Variants in SPEG observed in about 807,000 individuals in gnomAD.
SPEG encodes striated muscle enriched protein kinase.
In SPEG, 114 loss-of-function variants were observed where a neutral mutation model predicts 300.4. The observed-to-expected ratio is 0.38, with a 90% CI of 0.33 to 0.44. SPEG has a LOEUF of 0.44. Ranked by LOEUF, SPEG falls within the 20% of genes least tolerant of loss-of-function variation. The probability of loss-of-function intolerance (pLI) is 1.00; values close to 1 mark genes in which losing one functional copy is unlikely to be tolerated. For synonymous variants in SPEG, 1,964 were observed against 2,018.9 expected (o/e 0.97, Z 0.73); for missense variants, 4,201 against 4,586.2 (o/e 0.92, Z 2.43).
chr2:219,451,868 G>A lies in SPEG; in HGVS notation c.2440+61G>A. ...CAAGCCGTGACTCTCCCCTGGCCCA[G>A]GCCCCAGTCCACCTCCCTTCCCACT... On this transcript the variant is annotated intron_variant, in intron 6 of 40. Coordinates refer to ENST00000312358, the MANE Select transcript of SPEG (RefSeq NM_005876.5). This position sits in a 1 kb window ranked among gnomAD's most constrained non-coding sequence, Gnocchi z 6.4. The A allele has an allele frequency of 6.9e-7, 1 of 1,446,308 alleles. No homozygotes were observed. The highest frequency in any genetic ancestry group is 1.4e-5 in the South Asian group (1 of 71,214). 89.6% of individuals were successfully genotyped at this position (1,446,308 alleles called of 1,614,324 possible).
intron 6 of SPEG, chr2:219,460,148 T>C (rs929513640): frequency 3.4e-6 from 1 of 295,664 alleles, no homozygotes; most frequent in East Asian, 1.7e-4. Context: ...GCGGTTTGGG[T>C]AGGAAGGCTG....
Position 219,451,516 on chromosome 2 carries a change from G to A in SPEG, c.2258-109G>A, listed in dbSNP as rs1689745587. 1 of 1,225,868 alleles carries A rather than the reference G, an allele frequency of 8.2e-7. No individual in the cohort carries two copies. Among genetic ancestry groups the A allele is most frequent in the Non-Finnish European group, 1.1e-6 (1 of 914,780 alleles). The allele number at this position is 1,225,868 out of a possible 1,614,324, so 75.9% of individuals were successfully genotyped here. A position where few individuals can be genotyped will look rare whatever the true frequency, so the allele number is the denominator to read the frequency against. ...GGCGGACTCTTCCAGATTCCCTGGG[G>A]TGCTGAGAGGAGAGGTTTGGTCTCC... is the stretch of plus-strand genomic sequence containing the variant. On this transcript the variant is annotated intron_variant, in intron 5 of 40. Coordinates refer to ENST00000312358, the MANE Select transcript of SPEG (RefSeq NM_005876.5). The surrounding 1 kb of genome is among the most constrained non-coding windows in gnomAD (Gnocchi z 6.4).
In SPEG at chr2:219,467,227, G is replaced by A. The variant is rs749784967; in HGVS notation, c.2935G>A (p.Val979Met). ...AVLAPLQDVD[V>M]GAGEMALFEC... ...GCTGGCCCCCCTGCAGGACGTGGAC[G>A]TGGGGGCCGGGGAGATGGCGCTGTT... Residue 979 changes from valine (V) to methionine (M), a missense_variant, in exon 10 of 41, where the codon GTG becomes ATG. Val to Met is a conservative substitution (Grantham distance 21). Transcript: ENST00000312358. The A allele has an allele frequency of 2.5e-6, 4 of 1,601,884 alleles. No homozygotes were observed. The highest frequency in any genetic ancestry group is 2.2e-5 in the South Asian group (2 of 90,878).
In SPEG at chr2:219,490,912, C is replaced by G; in HGVS notation, c.9341C>G (p.Ala3114Gly). 6.2e-7 allele frequency: 1 copy of G among 1,613,672 alleles called. No homozygotes were observed. The highest frequency in any genetic ancestry group is 1.1e-5 in the South Asian group (1 of 91,080). ...FGSAQPYNPQ[A>G]LRPLGHRTGT... is the part of the protein sequence containing the mutation. ...AGTGCCCAGCCCTACAACCCCCAGG[C>G]CCTTAGGCCCCTTGGCCACCGCACG... is the stretch of plus-strand genomic sequence containing the variant. The change falls in exon 38 of 41, where the codon GCC (alanine) becomes GGC (glycine). Residue 3114 changes from alanine (A) to glycine (G), a missense_variant. Physicochemically the swap from Ala to Gly is moderately conservative, Grantham distance 60. This residue lies in a region of SPEG where 318 missense variants were observed against 429.5 expected (regional missense o/e 0.74). Coordinates refer to ENST00000312358, the MANE Select transcript of SPEG (RefSeq NM_005876.5).
chr2:219,436,974 A>C (rs1269223104), intron 1 of SPEG, among the ~76,000 whole-genome samples: 1 of 152,178 alleles, frequency 6.6e-6, no homozygotes, highest in Non-Finnish European at 1.5e-5. Flanking sequence ...GCTGACAAGG[A>C]GAGTAACAGT....
At position 219,467,306 on chromosome 2, in the gene SPEG, G is replaced by A; in HGVS notation, c.3014G>A (p.Gly1005Asp). ...GTGGAGGTGGATTGGCTGTGCCGTGGCCGCCTGCTGCAGCCTGCACTGCTC... is the reference window on the plus strand; with the variant it reads ...GTGGAGGTGGATTGGCTGTGCCGTGACCGCCTGCTGCAGCCTGCACTGCTC... The part of the protein sequence containing the change: ...TDVEVDWLCR[G>D]RLLQPALLKC... The change falls in exon 10 of 41, where the codon GGC (glycine) becomes GAC (aspartate). Residue 1005 changes from glycine to aspartate, a missense_variant. Physicochemically the swap from Gly to Asp is moderately conservative, Grantham distance 94. Transcript: ENST00000312358. 1 of 1,610,748 alleles carries A rather than the reference G, an allele frequency of 6.2e-7. No homozygotes were observed. The highest frequency in any genetic ancestry group is 8.5e-7 in the Non-Finnish European group (1 of 1,179,830).
intron 1 of SPEG, among the ~76,000 whole-genome samples, chr2:219,438,165 A>G (rs1311599278): frequency 6.6e-6 from 1 of 152,180 alleles, no homozygotes; most frequent in Non-Finnish European, 1.5e-5. Context: ...TGTAGAAATG[A>G]GGGAAGAATC....
intron 31 of SPEG, among the ~76,000 whole-genome samples, chr2:219,486,395 T>G (rs1279882872): frequency 6.6e-6 from 1 of 152,166 alleles, no homozygotes; most frequent in African/African-American, 2.4e-5. Context: ...CTGGTAAAAC[T>G]CAGAATAGAG....
rs1286023783 is a variant in SPEG at position 219,444,299 on chromosome 2, G to A, written c.389-354G>A. Reference sequence around the variant, plus strand: ...TGGAACCTAGGACCTGATGATTTTGGGGCTGCACAGGGGCTTAAGCTTTCA... The same window carrying A: ...TGGAACCTAGGACCTGATGATTTTGAGGCTGCACAGGGGCTTAAGCTTTCA... On this transcript the variant is annotated intron_variant, in intron 1 of 40. Transcript: ENST00000312358. The surrounding 1 kb of genome is among the most constrained non-coding windows in gnomAD (Gnocchi z 7.8). Among the ~76,000 whole-genome samples the A allele has an allele frequency of 6.6e-6, 1 of 152,158 alleles. No homozygotes were observed. Among genetic ancestry groups the A allele is most frequent in the Non-Finnish European group, 1.5e-5 (1 of 68,046 alleles).
At chr2:219,470,084 A>G (rs564985265) in intron 13 of SPEG, among the ~76,000 whole-genome samples, 54 of 152,232 alleles carry the variant, frequency 3.5e-4, no homozygotes, top group Non-Finnish European at 6.9e-4. Context: ...TTGACCCACG[A>G]TGATTTCCTC....
At chr2:219,446,140 G>A (rs542133010) in intron 3 of SPEG, among the ~76,000 whole-genome samples, 33 of 152,060 alleles carry the variant, frequency 2.2e-4, no homozygotes, top group Middle Eastern at 3.4e-3. Flanking sequence ...CAGGGCTAGC[G>A]GTGGGCAGGG....
At chr2:219,471,745 C>G in intron 13 of SPEG, 123 bp from the exon 14 acceptor site, 1 of 1,250,896 alleles carries the variant, frequency 8.0e-7, no homozygotes, top group Non-Finnish European at 1.1e-6. Context: ...TTGCCCCATC[C>G]TTGCCCACTC....
chr2:219,479,375 C>G lies in SPEG; in HGVS notation c.5085+174C>G, dbSNP rs538814994. Among the ~76,000 whole-genome samples, 1 of 152,282 alleles carries G rather than the reference C, an allele frequency of 6.6e-6. No individual in the cohort carries two copies. Among genetic ancestry groups the G allele is most frequent in the African/African-American group, 2.4e-5 (1 of 41,528 alleles). ...GTCCCCACCCAATGATACCAGACCC[C>G]CATCTATCTGAGACTTGTGCTATTC... On this transcript the variant is annotated intron_variant, in intron 23 of 40. Transcript: ENST00000312358. This position sits in a 1 kb window ranked among gnomAD's most constrained non-coding sequence, Gnocchi z 5.5.
chr2:219,448,237 C>T lies in SPEG; in HGVS notation c.1079C>T (p.Ser360Leu). The change falls in exon 4 of 41, where the codon TCG becomes TTG. Residue 360 changes from serine (S) to leucine (L), a missense_variant. Physicochemically the swap from Ser to Leu is moderately radical, Grantham distance 145. This residue lies in a region of SPEG where 1,258 missense variants were observed against 1,293.9 expected (regional missense o/e 0.97). Transcript: ENST00000312358. ...GAGAAGCGAGGGAAGAAGTCCAAGT[C>T]GTCCGGGCCCTCCCTGGCGGGCACC... ...TEEKRGKKSKSSGPSLAGTAE... is the reference protein window; with the variant it reads ...TEEKRGKKSKLSGPSLAGTAE... The T allele has an allele frequency of 6.2e-7, 1 of 1,612,478 alleles. No individual in the cohort carries two copies. Among genetic ancestry groups the T allele is most frequent in the African/African-American group, 1.3e-5 (1 of 75,036 alleles).
In SPEG at chr2:219,489,364, C is replaced by G; in HGVS notation, c.8346C>G (p.His2782Gln). 1.2e-6 allele frequency: 2 copies of G among 1,613,620 alleles called. No homozygotes were observed. The highest frequency in any genetic ancestry group is 1.7e-6 in the Non-Finnish European group (2 of 1,179,876). ...CTTCAGCTGTGCCATCTGCTGCCCA[C>G]CAAGAGGCCCCTGTCACCTCAAGGC... ...QDSSAVPSAA[H>Q]QEAPVTSRPA... is the part of the protein sequence containing the mutation. The change falls in exon 36 of 41, where the codon CAC (histidine) becomes CAG (glutamine). Residue 2782 changes from histidine to glutamine, a missense_variant. Physicochemically the swap from His to Gln is conservative, Grantham distance 24. Around this residue, in one of 4 missense-constraint regions of SPEG, gnomAD observed 1,578 missense variants for 1,506.0 expected, o/e 1.05. Coordinates refer to ENST00000312358, the MANE Select transcript of SPEG (RefSeq NM_005876.5).
chr2:219,462,202 C>G, intron 7 of SPEG, 96 bp from the exon 8 acceptor site: 1 of 1,243,498 alleles, frequency 8.0e-7, no homozygotes, highest in East Asian at 2.5e-5. Flanking sequence ...CAGTCTCAGC[C>G]TGGCTGTGGA....
chr2:219,481,258 CT>C lies in SPEG; in HGVS notation c.5370-43del, dbSNP rs1306259284. 6.3e-7 allele frequency: 1 copy of C among 1,597,960 alleles called. No homozygotes were observed. Among genetic ancestry groups the C allele is most frequent in the Non-Finnish European group, 8.5e-7 (1 of 1,170,304 alleles). The stretch of plus-strand genomic sequence containing the variant: ...GCCCTGTGCCCCCACTGACATTCCC[CT>C]TTGTCCCCGCCTGCCCCTCATGACA... On this transcript the variant is annotated intron_variant, in intron 26 of 40. Coordinates refer to ENST00000312358, the MANE Select transcript of SPEG (RefSeq NM_005876.5). This position sits in a 1 kb window ranked among gnomAD's most constrained non-coding sequence, Gnocchi z 5.4.
intron 1 of SPEG, 29 bp downstream of exon 1, chr2:219,435,394 C>G: frequency 1.3e-6 from 2 of 1,516,400 alleles, no homozygotes; most frequent in South Asian, 2.4e-5. Context: ...CCGCGCCCGG[C>G]AGGGGCGGGG....
At chr2:219,469,634 C>G (rs537865085) in intron 13 of SPEG, among the ~76,000 whole-genome samples, 1 of 152,188 alleles carries the variant, frequency 6.6e-6, no homozygotes, top group Admixed American at 6.5e-5. Context: ...GCTACTAACC[C>G]GCATCGGGCC....
Sources: gnomAD v4.1 joint callset for allele counts (sites outside exome capture counted in the v4.1 genomes callset) on GRCh38, gnomAD v4.1.1 for gene constraint, gnomAD v4.1.1 regional missense constraint, Gnocchi (gnomAD v3.1) non-coding constraint, MANE v1.5 for transcripts, NCBI Gene and HGNC (gene_info 2026-07-23, HGNC 2026-07-21) for gene names.